Variants in BRINP2 observed in about 807,000 individuals in gnomAD.
BRINP2 encodes the protein BMP/retinoic acid inducible neural specific 2.
BRINP2 carries 21 observed loss-of-function variants against 69.2 expected under a neutral mutation model. That is an observed-to-expected ratio of 0.30 (90% confidence interval 0.22 to 0.44). BRINP2 has a LOEUF of 0.44. Ranked by LOEUF, BRINP2 falls within the 20% of genes least tolerant of loss-of-function variation. BRINP2 has a pLI of 1.00. For missense variants in BRINP2, 877 were observed against 986.0 expected (o/e 0.89, Z 1.48); for synonymous variants, 380 against 394.1 (o/e 0.96, Z 0.42).
chr1:177,180,308 G>A (rs191446298), intron 1 of BRINP2, among the ~76,000 whole-genome samples: 18 of 152,238 alleles, frequency 1.2e-4, no homozygotes, highest in Non-Finnish European at 1.8e-4. Flanking sequence ...GGTTCAATGG[G>A]GTGGGTGACT....
At chr1:177,269,311 CTT>C (rs1187587772) in intron 4 of BRINP2, among the ~76,000 whole-genome samples, 2 of 152,250 alleles carry the variant, frequency 1.3e-5, no homozygotes, top group East Asian at 3.8e-4. Context: ...ACAGCAAGCA[CTT>C]TGCACACTGT....
intron 1 of BRINP2, among the ~76,000 whole-genome samples, chr1:177,184,864 G>T (rs1172810131): frequency 6.6e-6 from 1 of 152,076 alleles, no homozygotes; most frequent in East Asian, 1.9e-4. Flanking sequence ...AAATGTATAT[G>T]TTACAAAATT....
At chr1:177,175,731 T>A (rs1471630989) in intron 1 of BRINP2, among the ~76,000 whole-genome samples, 2 of 152,212 alleles carry the variant, frequency 1.3e-5, no homozygotes, top group Admixed American at 1.3e-4. Flanking sequence ...TAGGAGTTTA[T>A]TCGGGGAACA....
intron 1 of BRINP2, among the ~76,000 whole-genome samples, chr1:177,213,579 T>C (rs1284798154): frequency 6.6e-6 from 1 of 152,234 alleles, no homozygotes; most frequent in Non-Finnish European, 1.5e-5. Flanking sequence ...TGAAAACCAC[T>C]GATGCAATTC....
intron 4 of BRINP2, among the ~76,000 whole-genome samples, chr1:177,258,017 G>A (rs1650825491): frequency 6.6e-6 from 1 of 152,230 alleles, no homozygotes; most frequent in Non-Finnish European, 1.5e-5. Context: ...GCCAGGTTAT[G>A]TGCCATGAGA....
At chr1:177,229,749 G>A (rs1273462293) in intron 1 of BRINP2, 52 bp from the exon 2 acceptor site, 1 of 1,298,360 alleles carries the variant, frequency 7.7e-7, no homozygotes. Context: ...ATGCTCACAG[G>A]CCCATGGGGT....
chr1:177,190,933 C>T (rs1291950830), intron 1 of BRINP2, among the ~76,000 whole-genome samples: 2 of 152,148 alleles, frequency 1.3e-5, no homozygotes, highest in Non-Finnish European at 2.9e-5. Context: ...GTTGCCTGGT[C>T]TATAAATGTG....
At chr1:177,197,238 A>G (rs56056942) in intron 1 of BRINP2, among the ~76,000 whole-genome samples, 2,857 of 152,286 alleles carry the variant, frequency 0.019, 90 homozygotes, top group African/African-American at 0.065. Flanking sequence ...GGTGTCTCAC[A>G]TGGCAGGAGC....
rs915995433 is a variant in BRINP2 at position 177,278,926 on chromosome 1, T to G, written c.1235+141T>G. On this transcript the variant is annotated intron_variant, in intron 7 of 7. Coordinates refer to ENST00000361539, the MANE Select transcript of BRINP2 (RefSeq NM_021165.4). Reference sequence around the variant, plus strand: ...CCTTCCAGTTATCTTGACCTACTCATGTGTGTCATTCTCAGCTGTGAGTTG... The same window carrying G: ...CCTTCCAGTTATCTTGACCTACTCAGGTGTGTCATTCTCAGCTGTGAGTTG... 8.0e-6 allele frequency: 6 copies of G among 752,646 alleles called. No homozygotes were observed. The African/African-American group carries it at 8.8e-5, about 11-fold the overall frequency. The allele number at this position is 752,646 out of a possible 1,614,324, so 46.6% of individuals were successfully genotyped here.
intron 1 of BRINP2, among the ~76,000 whole-genome samples, chr1:177,222,739 A>G (rs1277760187): frequency 6.6e-6 from 1 of 152,064 alleles, no homozygotes. Flanking sequence ...AAAAAAACAG[A>G]TGAGGAACCT....
In BRINP2 at chr1:177,276,304, C is replaced by T. The variant is rs2102362643; in HGVS notation, c.882C>T (p.Asp294=). 6.2e-7 allele frequency: 1 copy of T among 1,614,252 alleles called. No individual in the cohort carries two copies. The highest frequency in any genetic ancestry group is 8.5e-7 in the Non-Finnish European group (1 of 1,180,052). ...SEGELVCKEN[D]CWCKCSPTFP... Reference sequence around the variant, plus strand: ...GTGAGCTCGTCTGCAAGGAGAATGACTGCTGGTGCAAGTGCAGCCCCACCT... The same window carrying T: ...GTGAGCTCGTCTGCAAGGAGAATGATTGCTGGTGCAAGTGCAGCCCCACCT... The change falls in exon 6 of 8, where the codon GAC becomes GAT. Residue 294 remains aspartate, a synonymous_variant. Coordinates refer to ENST00000361539, the MANE Select transcript of BRINP2 (RefSeq NM_021165.4).
At chr1:177,197,330 A>G (rs1048763043) in intron 1 of BRINP2, among the ~76,000 whole-genome samples, 2 of 152,118 alleles carry the variant, frequency 1.3e-5, no homozygotes, top group Non-Finnish European at 2.9e-5. Context: ...CTATCATGAG[A>G]ACAGCACCAA....
chr1:177,276,469 G>A (rs1651499786), intron 6 of BRINP2, 35 bp downstream of exon 6: 1 of 1,590,192 alleles, frequency 6.3e-7, no homozygotes, highest in Non-Finnish European at 8.6e-7. Flanking sequence ...TCAATGAGAG[G>A]TGGCTGTGAG....
At chr1:177,251,965 A>G (rs1650598763) in intron 2 of BRINP2, among the ~76,000 whole-genome samples, 1 of 152,144 alleles carries the variant, frequency 6.6e-6, no homozygotes, top group Non-Finnish European at 1.5e-5. Context: ...TCCCAAAGCA[A>G]GGGGGCTGGG....
intron 1 of BRINP2, among the ~76,000 whole-genome samples, chr1:177,205,947 C>A (rs1649060099): frequency 6.6e-6 from 1 of 152,210 alleles, no homozygotes; most frequent in African/African-American, 2.4e-5. Flanking sequence ...AAAGATACAG[C>A]AGAAATGATG....
chr1:177,258,365 C>T (rs1364562258), intron 4 of BRINP2, among the ~76,000 whole-genome samples: 1 of 152,164 alleles, frequency 6.6e-6, no homozygotes, highest in Non-Finnish European at 1.5e-5. Context: ...TTAATTCATT[C>T]AATAAGTATT....
At chr1:177,188,231 A>T (rs1357270402) in intron 1 of BRINP2, among the ~76,000 whole-genome samples, 2 of 152,190 alleles carry the variant, frequency 1.3e-5, no homozygotes, top group Non-Finnish European at 2.9e-5. Context: ...TTTCAAGCTC[A>T]TATAACAAAA....
At chr1:177,258,684 G>A (rs1650847721) in intron 4 of BRINP2, among the ~76,000 whole-genome samples, 1 of 152,132 alleles carries the variant, frequency 6.6e-6, no homozygotes, top group African/African-American at 2.4e-5. Context: ...TCGTATCTCT[G>A]ATAATTCTCA....
Position 177,256,952 on chromosome 1 carries a change from G to A in BRINP2, c.461-224G>A, listed in dbSNP as rs944631754. On this transcript the variant is annotated intron_variant, in intron 3 of 7. Transcript: ENST00000361539. The stretch of plus-strand genomic sequence containing the variant: ...GTTAAACAGATAAGCTGAGGGCAGG[G>A]GGACTGAGCTTTGGAAGAGGGCCTT... 1.4e-6 allele frequency: 2 copies of A among 1,420,148 alleles called. 1 individual carries two copies. Among genetic ancestry groups the A allele is most frequent in the Non-Finnish European group, 1.8e-6 (2 of 1,082,920 alleles). 88.0% of individuals were successfully genotyped at this position (1,420,148 alleles called of 1,614,324 possible).
Sources: allele counts gnomAD v4.1 joint callset (sites outside exome capture counted in the v4.1 genomes callset), GRCh38; gene constraint gnomAD v4.1.1; transcripts MANE v1.5; gene names NCBI Gene and HGNC (gene_info 2026-07-23, HGNC 2026-07-21).